The following TRIM33 variants were observed in gnomAD, a reference collection of about 807,000 sequenced individuals.
The protein encoded by TRIM33 is tripartite motif containing 33.
TRIM33 carries 20 observed loss-of-function variants against 125.4 expected under a neutral mutation model. The ratio of observed to expected loss-of-function variants is 0.16; its 90% CI spans 0.11 to 0.23. The LOEUF (loss-of-function observed/expected upper bound fraction) is 0.23. Among genes scored for constraint, TRIM33 ranks in the 10% least tolerant of loss-of-function variants. The pLI is 1.00. For synonymous variants in TRIM33, 564 were observed against 513.9 expected (o/e 1.10, Z -1.32); for missense variants, 920 against 1,411.4 (o/e 0.65, Z 5.58).
At chr1:114,449,339 T>C (rs747718955) in intron 4 of TRIM33, among the ~76,000 whole-genome samples, 1 of 152,130 alleles carries the variant, frequency 6.6e-6, no homozygotes, top group Non-Finnish European at 1.5e-5. Context: ...TCTGATGACA[T>C]GCCAACAATT....
chr1:114,488,180 T>C (rs1213218183), intron 1 of TRIM33, among the ~76,000 whole-genome samples: 2 of 151,928 alleles, frequency 1.3e-5, no homozygotes, highest in African/African-American at 4.8e-5. Flanking sequence ...TTCAAAGCAC[T>C]CCAAAAACTA....
chr1:114,452,785 A>AT lies in TRIM33; in HGVS notation c.923+10318dup, dbSNP rs1432657149. Among the ~76,000 whole-genome samples, 3 of 151,168 alleles carry AT rather than the reference A, an allele frequency of 2.0e-5. No homozygotes were observed. In the East Asian group the frequency reaches 5.9e-4, roughly 30 times the overall value. ...GGGATGGTAGTATACACCTGTAGTC[A>AT]TAACAATTTGGAAGGCTGAGGCAGG... On this transcript the variant is annotated intron_variant, in intron 4 of 19. Coordinates refer to ENST00000358465, the MANE Select transcript of TRIM33 (RefSeq NM_015906.4).
intron 1 of TRIM33, 111 bp downstream of exon 1, chr1:114,510,440 C>T: frequency 9.4e-7 from 1 of 1,065,450 alleles, no homozygotes; most frequent in Non-Finnish European, 1.3e-6. Context: ...AGAGACCCCT[C>T]GGGATGGCGC....
intron 6 of TRIM33, 68 bp from the exon 7 acceptor site, chr1:114,427,962 C>T: frequency 2.0e-6 from 3 of 1,512,078 alleles, no homozygotes; most frequent in Non-Finnish European, 1.8e-6. Flanking sequence ...ATTTCTAATG[C>T]AAATGGGCAC....
chr1:114,456,524 T>C (rs1263449699), intron 4 of TRIM33, among the ~76,000 whole-genome samples: 1 of 152,136 alleles, frequency 6.6e-6, no homozygotes, highest in African/African-American at 2.4e-5. Context: ...ACAAAAAACA[T>C]ATAAAATATA....
At chr1:114,436,121 G>T (rs1333665214) in intron 4 of TRIM33, among the ~76,000 whole-genome samples, 2 of 151,362 alleles carry the variant, frequency 1.3e-5, no homozygotes, top group Admixed American at 1.3e-4. Flanking sequence ...TAATAGCACA[G>T]GCCAGGCGTG....
intron 16 of TRIM33, 118 bp from the exon 17 acceptor site, chr1:114,401,581 T>TG: frequency 1.4e-6 from 1 of 690,906 alleles, no homozygotes; most frequent in South Asian, 2.1e-5. Flanking sequence ...ACAAGCCCCC[T>TG]GTTTACTAGA....
intron 1 of TRIM33, among the ~76,000 whole-genome samples, chr1:114,480,622 G>C (rs1651270067): frequency 6.9e-6 from 1 of 145,776 alleles, no homozygotes; most frequent in Non-Finnish European, 1.5e-5. Context: ...GGTAAACATA[G>C]AAGTCTCAGT....
intron 4 of TRIM33, among the ~76,000 whole-genome samples, chr1:114,437,472 A>C (rs1648378816): frequency 6.6e-6 from 1 of 152,068 alleles, no homozygotes; most frequent in Non-Finnish European, 1.5e-5. Context: ...CCGAGTACAT[A>C]GGACTACAGG....
chr1:114,438,839 T>G (rs193002551), intron 4 of TRIM33, among the ~76,000 whole-genome samples: 2 of 152,192 alleles, frequency 1.3e-5, no homozygotes, highest in African/African-American at 4.8e-5. Flanking sequence ...TTTTAAAGGA[T>G]TTATACTGTT....
rs1651357941 is a variant in TRIM33 at position 114,392,951 on chromosome 1, T to C, written c.*4697A>G. 2 of 199,760 alleles carry C rather than the reference T, an allele frequency of 1.0e-5. No homozygotes were observed. The highest frequency in any genetic ancestry group is 2.1e-5 in the Non-Finnish European group (2 of 96,684). 12.4% of individuals were successfully genotyped at this position (199,760 alleles called of 1,614,324 possible). A position where few individuals can be genotyped will look rare whatever the true frequency, so the allele number is the denominator to read the frequency against. ...TTAAATAACCATGAAAAGAAAAAAC[T>C]TGCTTTTATTACACACCAGCAAAAA... On this transcript the variant is annotated 3_prime_UTR_variant, in exon 20 of 20. Transcript: ENST00000358465.
chr1:114,506,644 T>A (rs534857450), intron 1 of TRIM33, among the ~76,000 whole-genome samples: 185 of 152,288 alleles, frequency 1.2e-3, no homozygotes, highest in Non-Finnish European at 2.2e-3. Context: ...CAAATCTGTA[T>A]TTTTATTGAT....
At chr1:114,495,109 T>G (rs1391897567) in intron 1 of TRIM33, among the ~76,000 whole-genome samples, 1 of 152,184 alleles carries the variant, frequency 6.6e-6, no homozygotes, top group African/African-American at 2.4e-5. Context: ...GAGATGGGAT[T>G]TCACCATGTT....
At chr1:114,466,207 T>C (rs917074200) in intron 1 of TRIM33, among the ~76,000 whole-genome samples, 1 of 152,114 alleles carries the variant, frequency 6.6e-6, no homozygotes, top group African/African-American at 2.4e-5. Context: ...GTGTATTATA[T>C]AAAACTACAA....
At chr1:114,420,498 A>T (rs1007376605) in intron 11 of TRIM33, 4 of 965,340 alleles carry the variant, frequency 4.1e-6, no homozygotes, top group Non-Finnish European at 6.0e-6. Context: ...AGCAAAAGTG[A>T]TATTAATCCA....
chr1:114,424,767 A>G lies in TRIM33; in HGVS notation c.1696-12T>C. On this transcript the variant is annotated splice_polypyrimidine_tract_variant and intron_variant, in intron 9 of 19. Coordinates refer to ENST00000358465, the MANE Select transcript of TRIM33 (RefSeq NM_015906.4). Reference sequence around the variant, plus strand: ...ATCAATCGAGGAGGCTACAAAAAGTAGAAATTGCAATTTATGTAATAATTT... The same window carrying G: ...ATCAATCGAGGAGGCTACAAAAAGTGGAAATTGCAATTTATGTAATAATTT... 6.8e-7 allele frequency: 1 copy of G among 1,464,360 alleles called. No homozygotes were observed. The highest frequency in any genetic ancestry group is 2.4e-5 in the East Asian group (1 of 41,308). 90.7% of individuals were successfully genotyped at this position (1,464,360 alleles called of 1,614,324 possible).
At chr1:114,502,846 T>C (rs937596115) in intron 1 of TRIM33, among the ~76,000 whole-genome samples, 12 of 152,150 alleles carry the variant, frequency 7.9e-5, no homozygotes, top group South Asian at 2.1e-4. Context: ...CAGAAATAAC[T>C]GTATTTCCTA....
chr1:114,499,155 CA>C (rs1652559326), intron 1 of TRIM33, among the ~76,000 whole-genome samples: 1 of 152,040 alleles, frequency 6.6e-6, no homozygotes, highest in South Asian at 2.1e-4. Context: ...CATATCCAGC[CA>C]AGCTATCATT....
intron 18 of TRIM33, among the ~76,000 whole-genome samples, chr1:114,398,584 ATTTTG>A (rs1438914308): frequency 1.3e-5 from 2 of 152,008 alleles, no homozygotes; most frequent in Admixed American, 1.3e-4. Flanking sequence ...CCTTATGAGG[ATTTTG>A]TTTTGTTTTT....
Sources: allele counts gnomAD v4.1 joint callset (sites outside exome capture counted in the v4.1 genomes callset), GRCh38; gene constraint gnomAD v4.1.1; transcripts MANE v1.5; gene names NCBI Gene and HGNC (gene_info 2026-07-23, HGNC 2026-07-21).